Variants in CLK4 observed in about 807,000 individuals in gnomAD.
CLK4 encodes CDC like kinase 4, also known as dual specificity protein kinase CLK4.
A neutral mutation model predicts 64.4 loss-of-function variants in CLK4; 37 were observed. The observed-to-expected ratio is 0.57, with a 90% CI of 0.44 to 0.76. The LOEUF is 0.76. Among genes scored for constraint, CLK4 ranks in the 30% least tolerant of loss-of-function variants. The probability of loss-of-function intolerance (pLI) is 0.00; values close to 1 mark genes in which losing one functional copy is unlikely to be tolerated. For missense variants in CLK4, 457 were observed against 605.1 expected, an observed-to-expected ratio of 0.76 and a Z score of 2.57; for synonymous variants, 175 against 191.6, an observed-to-expected ratio of 0.91 and a Z score of 0.72.
intron 2 of CLK4, chr5:178,622,379 A>G (rs1021889255): frequency 3.1e-6 from 3 of 976,714 alleles, no homozygotes; most frequent in African/African-American, 1.8e-5. Context: ...TGGAGAAGGA[A>G]AGAAATTACA....
intron 9 of CLK4, among the ~76,000 whole-genome samples, chr5:178,610,245 G>T (rs998459489): frequency 2.6e-5 from 4 of 151,974 alleles, no homozygotes; most frequent in African/African-American, 9.6e-5. Context: ...AGCCGAGATC[G>T]TGCCACTGCA....
chr5:178,625,748 G>A (rs1179281196), intron 1 of CLK4, among the ~76,000 whole-genome samples: 2 of 152,084 alleles, frequency 1.3e-5, no homozygotes, highest in South Asian at 2.1e-4. Context: ...AAATAAGAAC[G>A]AGCTCCGTTG....
chr5:178,625,099 T>C (rs964580541), intron 1 of CLK4, among the ~76,000 whole-genome samples: 2 of 152,154 alleles, frequency 1.3e-5, no homozygotes, highest in East Asian at 1.9e-4. Context: ...GTCACTTCCA[T>C]ATGGGAACGT....
At chr5:178,612,300 A>G (rs1352655039) in intron 9 of CLK4, 116 bp downstream of exon 9, 1 of 915,630 alleles carries the variant, frequency 1.1e-6, no homozygotes, top group Non-Finnish European at 1.6e-6. Context: ...ATGAAAATAG[A>G]AAACGTTTTC....
rs1415471116 is a variant in CLK4 at position 178,603,901 on chromosome 5, A to G, written c.1248T>C (p.Asp416=). ...TACCAGCAGAACTGTGTTCATCCCAATCTAGCTGGTTATGGTGAAAATACT... is the reference window on the plus strand; with the variant it reads ...TACCAGCAGAACTGTGTTCATCCCAGTCTAGCTGGTTATGGTGAAAATACT... ...KRKYFHHNQL[D]WDEHSSAGRY... Residue 416 remains aspartate (D), a synonymous_variant, in exon 12 of 13, where the codon GAT becomes GAC. Transcript: ENST00000316308. 6.2e-7 allele frequency: 1 copy of G among 1,610,090 alleles called. No individual in the cohort carries two copies. The highest frequency in any genetic ancestry group is 1.3e-5 in the African/African-American group (1 of 74,684).
chr5:178,609,974 G>A (rs1045387004), intron 9 of CLK4, among the ~76,000 whole-genome samples: 110 of 152,066 alleles, frequency 7.2e-4, no homozygotes, highest in African/African-American at 2.6e-3. Context: ...ATCCGTAAAT[G>A]CTAGAGCTTG....
rs140463847 is a variant in CLK4 at position 178,625,633 on chromosome 5, T to C, written c.-1+1313A>G. On this transcript the variant is annotated intron_variant, in intron 1 of 12. Transcript: ENST00000316308. ...TGAAGTTTTTTTCAAGACTTATGTA[T>C]CTTCTTCAGTTTTGTTTTTTCCTCT... 4.2e-3 allele frequency among the ~76,000 whole-genome samples: 638 copies of C among 152,266 alleles called. 5 individuals carry two copies. The highest frequency in any genetic ancestry group is 0.015 in the African/African-American group (603 of 41,520).
chr5:178,612,804 A>G lies in CLK4; in HGVS notation c.913T>C (p.Ser305Pro), dbSNP rs1326175046. Residue 305 changes from serine to proline, a missense_variant, in exon 8 of 13, where the codon TCT becomes CCT. Coordinates refer to ENST00000316308, the MANE Select transcript of CLK4 (RefSeq NM_020666.3). ...VKSDYVVKYN[S>P]KMKRDERTLK... The stretch of plus-strand genomic sequence containing the variant: ...ACAAGTCTTTAACTTACCATTTTAG[A>G]ATTATATTTGACTACATAGTCAGAC... 2 of 1,524,768 alleles carry G rather than the reference A, an allele frequency of 1.3e-6. No homozygotes were observed. The highest frequency in any genetic ancestry group is 4.5e-5 in the East Asian group (2 of 44,310). The allele number at this position is 1,524,768 out of a possible 1,614,324, so 94.5% of individuals were successfully genotyped here.
intron 2 of CLK4, chr5:178,622,349 G>A (rs1241425530): frequency 1.2e-6 from 1 of 816,864 alleles, no homozygotes; most frequent in Non-Finnish European, 1.5e-6. Context: ...AAGCTGTTTG[G>A]CAGAACAAGT....
chr5:178,605,484 T>C, intron 10 of CLK4, 102 bp from the exon 11 acceptor site: 1 of 605,556 alleles, frequency 1.7e-6, no homozygotes, highest in Admixed American at 3.9e-5. Flanking sequence ...TTTGCACTTC[T>C]TACACTGTTT....
At chr5:178,610,366 T>C (rs1373247853) in intron 9 of CLK4, among the ~76,000 whole-genome samples, 2 of 152,194 alleles carry the variant, frequency 1.3e-5, no homozygotes, top group African/African-American at 4.8e-5. Flanking sequence ...TGTAATCTTC[T>C]GCAGTACACC....
At chr5:178,609,356 G>A (rs73350300) in intron 9 of CLK4, among the ~76,000 whole-genome samples, 6,669 of 152,120 alleles carry the variant, frequency 0.044, 517 homozygotes, top group African/African-American at 0.15. Context: ...TTAACCATCC[G>A]CTCCAGTGTC....
chr5:178,613,596 C>T lies in CLK4; in HGVS notation c.703G>A (p.Val235Ile). 1.2e-6 allele frequency: 2 copies of T among 1,610,312 alleles called. No individual in the cohort carries two copies. Among genetic ancestry groups the T allele is most frequent in the Non-Finnish European group, 1.7e-6 (2 of 1,178,986 alleles). The change falls in exon 7 of 13, where the codon GTT becomes ATT. Residue 235 changes from valine to isoleucine, a missense_variant. Val to Ile is a conservative substitution (Grantham distance 29, BLOSUM62 3). Transcript: ENST00000316308. ...CCCAGTAGTTCAAACACAATACAAA[C>T]ATGACCATGATGATCAAACCATTCT... ...MLEWFDHHGH[V>I]CIVFELLGLS... is the part of the protein sequence containing the mutation.
Position 178,613,479 on chromosome 5 carries a change from T to C in CLK4, c.820A>G (p.Ile274Val), listed in dbSNP as rs748859836. The C allele has an allele frequency of 1.6e-5, 25 of 1,540,018 alleles. No homozygotes were observed. The Admixed American group carries it at 2.7e-4, about 16-fold the overall frequency. Residue 274 changes from isoleucine to valine, a missense_variant, in exon 7 of 13, where the codon ATA becomes GTA. Transcript: ENST00000316308. Reference sequence around the variant, plus strand: ...ATTTATCAAGTGTACTTACAATTTATTGACTGGCAGATCTGATACGCCATC... The same window carrying C: ...ATTTATCAAGTGTACTTACAATTTACTGACTGGCAGATCTGATACGCCATC... ...RQMAYQICQS[I>V]NFLHHNKLTH...
Position 178,617,486 on chromosome 5 carries a change from G to A in CLK4, c.385-52C>T. 6.7e-7 allele frequency: 1 copy of A among 1,490,638 alleles called. No individual in the cohort carries two copies. The highest frequency in any genetic ancestry group is 1.1e-5 in the South Asian group (1 of 87,444). The allele number at this position is 1,490,638 out of a possible 1,614,324, so 92.3% of individuals were successfully genotyped here. On this transcript the variant is annotated intron_variant, in intron 3 of 12. Coordinates refer to ENST00000316308, the MANE Select transcript of CLK4 (RefSeq NM_020666.3). This position sits in a 1 kb window ranked among gnomAD's most constrained non-coding sequence, Gnocchi z 5.2. ...GATCGTCCAGCCAATCAATATATCAGAGTGAATTCAGGGCAGAATACGCAA... is the reference window on the plus strand; with the variant it reads ...GATCGTCCAGCCAATCAATATATCAAAGTGAATTCAGGGCAGAATACGCAA...
At chr5:178,619,836 AC>A (rs1457835527) in intron 2 of CLK4, 3 of 1,276,514 alleles carry the variant, frequency 2.4e-6, no homozygotes, top group Non-Finnish European at 3.1e-6. Context: ...CCCCCTCTCT[AC>A]CTGGGATGAG....
intron 2 of CLK4, chr5:178,619,704 T>C (rs1764677708): frequency 1.8e-6 from 2 of 1,083,150 alleles, no homozygotes; most frequent in African/African-American, 1.6e-5. Context: ...AAGAAACACA[T>C]AAACAAAACT....
At position 178,618,730 on chromosome 5, in the gene CLK4, CCGGTCCCGATAATCT is replaced by C; in HGVS notation, c.195_209del (p.Asp66_Arg70del). On this transcript the variant is annotated inframe_deletion, in exon 3 of 13. Coordinates refer to ENST00000316308, the MANE Select transcript of CLK4 (RefSeq NM_020666.3). Reference sequence around the variant, plus strand: ...CATTCCTGTATTCGTCAACGTATCTCCGGTCCCGATAATCTCGCTCATTCAAGGACCTTGCTTCTA... The same window carrying C: ...CATTCCTGTATTCGTCAACGTATCTCCGCTCATTCAAGGACCTTGCTTCTA... 6.2e-7 allele frequency: 1 copy of C among 1,613,860 alleles called. No homozygotes were observed. The highest frequency in any genetic ancestry group is 8.5e-7 in the Non-Finnish European group (1 of 1,179,872).
chr5:178,608,900 T>C (rs1050958079), intron 9 of CLK4, among the ~76,000 whole-genome samples: 3 of 152,220 alleles, frequency 2.0e-5, no homozygotes, highest in African/African-American at 7.2e-5. Context: ...TTATCAATTA[T>C]CATCAGCTTG....
Sources: gnomAD v4.1 joint callset for allele counts (sites outside exome capture counted in the v4.1 genomes callset) on GRCh38, gnomAD v4.1.1 for gene constraint, Gnocchi (gnomAD v3.1) non-coding constraint, MANE v1.5 for transcripts, NCBI Gene and HGNC (gene_info 2026-07-23, HGNC 2026-07-21) for gene names.